Variants in STK32B observed in about 807,000 individuals in gnomAD.
STK32B encodes the protein serine/threonine-protein kinase 32B.
STK32B carries 43 observed loss-of-function variants against 52.6 expected under a neutral mutation model. The observed-to-expected ratio is 0.82, with a 90% CI of 0.64 to 1.05. The LOEUF (loss-of-function observed/expected upper bound fraction) is 1.05, where lower values mean the gene tolerates loss of function less well. STK32B is among the 50% of genes least tolerant of loss of function. STK32B has a pLI of 0.00. For missense variants in STK32B, 621 were observed against 534.6 expected (o/e 1.16, Z -1.59); for synonymous variants, 238 against 204.3 (o/e 1.17, Z -1.41).
chr4:5,481,668 G>A (rs1012533095), intron 11 of STK32B, among the ~76,000 whole-genome samples: 5 of 152,166 alleles, frequency 3.3e-5, no homozygotes, highest in African/African-American at 7.2e-5. Context: ...CCATGCCTAT[G>A]TCCTGAATGG....
intron 1 of STK32B, among the ~76,000 whole-genome samples, chr4:5,135,637 G>A (rs4689989): frequency 0.73 from 111,182 of 152,102 alleles, 44,369 homozygotes; most frequent in Non-Finnish European, 0.88. Context: ...GAGGCTCACA[G>A]GAAGGAGTGG....
At chr4:5,382,592 A>G (rs1736003972) in intron 4 of STK32B, among the ~76,000 whole-genome samples, 1 of 151,952 alleles carries the variant, frequency 6.6e-6, no homozygotes, top group Non-Finnish European at 1.5e-5. Context: ...AAAGAGCAAA[A>G]TTCCCAAGAG....
chr4:5,183,418 A>G (rs1218107792), intron 3 of STK32B, among the ~76,000 whole-genome samples: 1 of 151,774 alleles, frequency 6.6e-6, no homozygotes, highest in Non-Finnish European at 1.5e-5. Context: ...CAGGGGTTGC[A>G]GTGAGCTGAG....
chr4:5,055,824 C>G (rs1046499643), intron 1 of STK32B, among the ~76,000 whole-genome samples: 1 of 152,094 alleles, frequency 6.6e-6, no homozygotes, highest in African/African-American at 2.4e-5. Flanking sequence ...CTCTCATTGA[C>G]CACCCTACTT....
In STK32B at chr4:5,434,775, T is replaced by C. The variant is rs541626440; in HGVS notation, c.563-11898T>C. On this transcript the variant is annotated intron_variant, in intron 6 of 11. Coordinates refer to ENST00000282908, the MANE Select transcript of STK32B (RefSeq NM_018401.3). ...GCATCTAGAAGTGCTCTCTAAACATTAGCTTTTCCAAGACATGAATAGCAT... is the reference window on the plus strand; with the variant it reads ...GCATCTAGAAGTGCTCTCTAAACATCAGCTTTTCCAAGACATGAATAGCAT... Among the ~76,000 whole-genome samples, 11 of 152,210 alleles carry C rather than the reference T, an allele frequency of 7.2e-5. No individual in the cohort carries two copies. The South Asian group carries it at 2.3e-3, about 32-fold the overall frequency.
At chr4:5,331,521 A>C in intron 4 of STK32B, 128 bp downstream of exon 4, 1 of 960,812 alleles carries the variant, frequency 1.0e-6, no homozygotes, top group South Asian at 1.8e-5. Flanking sequence ...CATGAGGGAA[A>C]AAAGCAGAAC....
intron 3 of STK32B, among the ~76,000 whole-genome samples, chr4:5,180,565 A>T (rs73212018): frequency 0.19 from 28,526 of 151,992 alleles, 3,381 homozygotes; most frequent in East Asian, 0.31. Flanking sequence ...CTCTTCCCTG[A>T]TGGATCTCTT....
chr4:5,210,378 GTCT>G (rs1373202811), intron 3 of STK32B, among the ~76,000 whole-genome samples: 1 of 152,110 alleles, frequency 6.6e-6, no homozygotes, highest in Non-Finnish European at 1.5e-5. Context: ...GGTGTTCCCA[GTCT>G]TCTTGCCCTT....
chr4:5,135,958 C>A (rs1030632094), intron 1 of STK32B, among the ~76,000 whole-genome samples: 1 of 152,092 alleles, frequency 6.6e-6, no homozygotes, highest in Non-Finnish European at 1.5e-5. Context: ...AAAGTGCAGT[C>A]CCAGAACCAT....
intron 3 of STK32B, among the ~76,000 whole-genome samples, chr4:5,215,613 C>T (rs1329791678): frequency 6.6e-6 from 1 of 152,046 alleles, no homozygotes; most frequent in East Asian, 1.9e-4. Flanking sequence ...TTATAAAATC[C>T]TTATTGCTTG....
At chr4:5,024,613 G>A in the STK32B span, among the ~76,000 whole-genome samples, 11 of 152,256 alleles carry the variant, frequency 7.2e-5, no homozygotes, top group South Asian at 4.1e-4. Flanking sequence ...TGCTGGAAGC[G>A]GACCCTGCCT....
intron 3 of STK32B, among the ~76,000 whole-genome samples, chr4:5,315,388 G>T (rs1051860835): frequency 6.6e-6 from 1 of 152,002 alleles, no homozygotes; most frequent in African/African-American, 2.4e-5. Flanking sequence ...CTTTAAGAGG[G>T]AAGATAAGCC....
chr4:5,137,622 A>G (rs1459573244), intron 1 of STK32B, among the ~76,000 whole-genome samples: 1 of 152,228 alleles, frequency 6.6e-6, no homozygotes, highest in Non-Finnish European at 1.5e-5. Context: ...AAATGAGATA[A>G]CTGAGGCACA....
chr4:5,145,704 GTTGT>G (rs778707821), intron 2 of STK32B, among the ~76,000 whole-genome samples: 9 of 152,108 alleles, frequency 5.9e-5, no homozygotes, highest in African/African-American at 1.9e-4. Context: ...TAAAAAATGG[GTTGT>G]TTGTCTTATT....
At chr4:5,175,134 C>T (rs182877395) in intron 3 of STK32B, among the ~76,000 whole-genome samples, 32 of 152,242 alleles carry the variant, frequency 2.1e-4, no homozygotes, top group East Asian at 1.5e-3. Flanking sequence ...GTTCTCGTGC[C>T]GTGGTTTTCA....
chr4:5,226,595 C>G (rs957971839), intron 3 of STK32B, among the ~76,000 whole-genome samples: 1 of 152,210 alleles, frequency 6.6e-6, no homozygotes, highest in South Asian at 2.1e-4. Flanking sequence ...CACTTAGGAG[C>G]AGTCTTGGTT....
chr4:5,439,226 G>A (rs1195323392), intron 6 of STK32B, among the ~76,000 whole-genome samples: 12 of 150,260 alleles, frequency 8.0e-5, no homozygotes, highest in East Asian at 7.8e-4. Context: ...CCAACAGTGT[G>A]AAAGTGTTCC....
intron 3 of STK32B, among the ~76,000 whole-genome samples, chr4:5,286,591 A>T (rs1728556440): frequency 6.6e-6 from 1 of 152,144 alleles, no homozygotes; most frequent in Non-Finnish European, 1.5e-5. Context: ...CCTTAACATA[A>T]TACCTGTGAG....
chr4:5,419,007 G>T lies in STK32B; in HGVS notation c.562+2073G>T, dbSNP rs531812853. ...ATGAACACTAGGTTTTTGGGGATCG[G>T]CTATAACTTTCTTATTGTCTTCCTT... On this transcript the variant is annotated intron_variant, in intron 6 of 11. Transcript: ENST00000282908. Among the ~76,000 whole-genome samples, 7 of 152,208 alleles carry T rather than the reference G, an allele frequency of 4.6e-5. No homozygotes were observed. In the South Asian group the frequency reaches 1.2e-3, roughly 27 times the overall value.
Sources: allele counts gnomAD v4.1 joint callset (sites outside exome capture counted in the v4.1 genomes callset), GRCh38; gene constraint gnomAD v4.1.1; transcripts MANE v1.5; gene names NCBI Gene and HGNC (gene_info 2026-07-23, HGNC 2026-07-21).